The following DGKZ variants were observed in gnomAD, a reference collection of about 807,000 sequenced individuals.
The protein encoded by DGKZ is diacylglycerol kinase zeta, also known as DAG kinase zeta.
A neutral mutation model predicts 142.5 loss-of-function variants in DGKZ; 45 were observed. That is an observed-to-expected ratio of 0.32 (90% confidence interval 0.25 to 0.40). The LOEUF (loss-of-function observed/expected upper bound fraction) is 0.40. Among genes scored for constraint, DGKZ ranks in the 10% least tolerant of loss-of-function variants. The pLI, the probability that DGKZ is intolerant of heterozygous loss-of-function variation, is 1.00. For missense variants in DGKZ, 755 were observed against 1,306.5 expected, an observed-to-expected ratio of 0.58 and a Z score of 6.51; for synonymous variants, 442 against 527.0, an observed-to-expected ratio of 0.84 and a Z score of 2.21.
upstream of DGKZ, chr11:46,347,436 A>C: frequency 2.0e-6 from 2 of 981,968 alleles, no homozygotes; most frequent in Non-Finnish European, 2.4e-6. The surrounding 1 kb of genome is among the most constrained non-coding windows in gnomAD (Gnocchi z 6.4). Flanking sequence ...CCGGCCAGCT[A>C]TGCGGGGTCC....
chr11:46,348,582 C>T (rs1400870100), intron 1 of DGKZ, among the ~76,000 whole-genome samples: 1 of 152,150 alleles, frequency 6.6e-6, no homozygotes, highest in Non-Finnish European at 1.5e-5. Context: ...CTTCATCTTG[C>T]CCCCTCCCCC....
At chr11:46,349,432 G>T (rs1941090731) in intron 1 of DGKZ, among the ~76,000 whole-genome samples, 1 of 152,196 alleles carries the variant, frequency 6.6e-6, no homozygotes, top group East Asian at 1.9e-4. Flanking sequence ...CCCTTCTGAA[G>T]GGCACAGGTT....
intron 1 of DGKZ, among the ~76,000 whole-genome samples, chr11:46,339,557 C>T (rs1485424802): frequency 6.6e-6 from 1 of 152,308 alleles, no homozygotes; most frequent in South Asian, 2.1e-4. Flanking sequence ...GTGCAGGGAT[C>T]GGGATCCCAG....
In DGKZ at chr11:46,347,958, C is replaced by T; in HGVS notation, c.161+138C>T. 5.8e-6 allele frequency: 7 copies of T among 1,207,340 alleles called. No homozygotes were observed. Among genetic ancestry groups the T allele is most frequent in the Non-Finnish European group, 6.3e-6 (6 of 955,198 alleles). 74.8% of individuals were successfully genotyped at this position (1,207,340 alleles called of 1,614,324 possible). A position where few individuals can be genotyped will look rare whatever the true frequency, so the allele number is the denominator to read the frequency against. On this transcript the variant is annotated intron_variant, in intron 1 of 30. Coordinates refer to ENST00000527911, the Ensembl canonical transcript of DGKZ. The surrounding 1 kb of genome is among the most constrained non-coding windows in gnomAD (Gnocchi z 6.4). ...GTCGGGGAGAGGCTGGCACCGGCGGCACGAGCCGTCTTGGCGTGGGCACCC... is the reference window on the plus strand; with the variant it reads ...GTCGGGGAGAGGCTGGCACCGGCGGTACGAGCCGTCTTGGCGTGGGCACCC...
At chr11:46,351,118 ACTCT>A (rs150355005) in intron 1 of DGKZ, among the ~76,000 whole-genome samples, 2 of 150,476 alleles carry the variant, frequency 1.3e-5, no homozygotes, top group East Asian at 3.9e-4. Flanking sequence ...AGAGAAGTGG[ACTCT>A]CTCTCCTCCT....
chr11:46,357,850 T>G (rs1739329531), intron 1 of DGKZ, among the ~76,000 whole-genome samples: 1 of 152,142 alleles, frequency 6.6e-6, no homozygotes, highest in Non-Finnish European at 1.5e-5. Flanking sequence ...AGGCCAGTAT[T>G]CGGGGCAGAA....
At chr11:46,333,550 T>A (rs1469538204) in intron 1 of DGKZ, 2 of 1,439,540 alleles carry the variant, frequency 1.4e-6, no homozygotes, top group African/African-American at 1.4e-5. Context: ...CAGGCGTCAT[T>A]GCACAAACGT....
At chr11:46,333,559 G>A in intron 1 of DGKZ, 1 of 1,384,112 alleles carries the variant, frequency 7.2e-7, no homozygotes, top group Non-Finnish European at 9.8e-7. Context: ...TTGCACAAAC[G>A]TTTATTGTGC....
At chr11:46,342,436 A>G (rs984153899) in intron 1 of DGKZ, among the ~76,000 whole-genome samples, 6 of 152,204 alleles carry the variant, frequency 3.9e-5, no homozygotes. Context: ...CAGGGCTGCC[A>G]GACGCCTCAG....
rs201753262 is a variant in DGKZ, at chr11:46,372,685, C to T, written c.1071+8C>T. On this transcript the variant is annotated splice_region_variant and intron_variant, in intron 12 of 30. Transcript: ENST00000527911. The surrounding 1 kb of genome is among the most constrained non-coding windows in gnomAD (Gnocchi z 5.9). ...TGCGGGGGCGACGGCACGGTGAGCT[C>T]CCCGCATGGGCCAGCCGAGCACCAG... 5 of 1,613,072 alleles carry T rather than the reference C, an allele frequency of 3.1e-6. No individual in the cohort carries two copies. Among genetic ancestry groups the T allele is most frequent in the East Asian group, 2.2e-5 (1 of 44,872 alleles).
Position 46,348,684 on chromosome 11 carries a change from G to A in DGKZ, c.161+864G>A, listed in dbSNP as rs540299171. Reference sequence around the variant, plus strand: ...GGGGGAGAGTGTGGAAAGACTGAGTGCAGGCAGTTCATGGCAAGTGTGCTG... The same window carrying A: ...GGGGGAGAGTGTGGAAAGACTGAGTACAGGCAGTTCATGGCAAGTGTGCTG... On this transcript the variant is annotated intron_variant, in intron 1 of 30. Coordinates refer to ENST00000527911, the Ensembl canonical transcript of DGKZ. 2.0e-5 allele frequency among the ~76,000 whole-genome samples: 3 copies of A among 152,330 alleles called. No homozygotes were observed. The South Asian group carries it at 6.2e-4, about 32-fold the overall frequency.
exon 21 of DGKZ, chr11:46,375,935 G>A: frequency 6.2e-7 from 1 of 1,607,536 alleles, no homozygotes. Flanking sequence ...ACGACAAGGA[G>A]CAGCTCAAGG....
chr11:46,365,818 G>A (rs1281685868), intron 1 of DGKZ: 22 of 985,288 alleles, frequency 2.2e-5, no homozygotes, highest in Non-Finnish European at 2.7e-5. Flanking sequence ...GTCCATCCAG[G>A]CAGACCGACT....
chr11:46,361,640 C>T (rs780500902), intron 1 of DGKZ: 64 of 985,458 alleles, frequency 6.5e-5, no homozygotes, highest in Non-Finnish European at 7.5e-5. Context: ...GCCGCCAGCC[C>T]GGAGCTGGAT....
chr11:46,343,513 A>G (rs1312924082), upstream of DGKZ, among the ~76,000 whole-genome samples: 1 of 152,232 alleles, frequency 6.6e-6, no homozygotes, highest in African/African-American at 2.4e-5. Flanking sequence ...AGAACTAGTT[A>G]TAGAGCAGGG....
Position 46,367,494 on chromosome 11 carries a change from A to C in DGKZ, c.270+95A>C. ...GGCACTAAAGGCAGCTGGGAGAGCC[A>C]AGCCTGGAAGGGTTGGGACAGTGGG... is the stretch of plus-strand genomic sequence containing the variant. On this transcript the variant is annotated intron_variant, in intron 2 of 30. Transcript: ENST00000527911. The surrounding 1 kb of genome is among the most constrained non-coding windows in gnomAD (Gnocchi z 4.1). The C allele has an allele frequency of 7.0e-7, 1 of 1,425,638 alleles. No homozygotes were observed. The highest frequency in any genetic ancestry group is 1.4e-5 in the African/African-American group (1 of 70,690). 88.3% of individuals were successfully genotyped at this position (1,425,638 alleles called of 1,614,324 possible).
chr11:46,345,349 C>G (rs950481478), upstream of DGKZ: 98 of 1,391,314 alleles, frequency 7.0e-5, no homozygotes, highest in South Asian at 3.9e-4. This position sits in a 1 kb window ranked among gnomAD's most constrained non-coding sequence, Gnocchi z 4.1. Flanking sequence ...TCTAGCAGGC[C>G]CCCCCCTCGA....
In DGKZ at chr11:46,379,241, G is replaced by GT; in HGVS notation, c.2573+6dup. ...CCTTGATGCGGTGGAGGAAAAGTAA[G>GT]TATCTGGGCAGTGCAGAACCGTGGT... On this transcript the variant is annotated splice_donor_region_variant and intron_variant, in intron 29 of 30. Transcript: ENST00000527911. The GT allele has an allele frequency of 6.2e-7, 1 of 1,613,204 alleles. No homozygotes were observed. The highest frequency in any genetic ancestry group is 8.5e-7 in the Non-Finnish European group (1 of 1,179,942).
In DGKZ at chr11:46,368,907, C is replaced by T. The variant is rs974960439; in HGVS notation, c.445-587C>T. The T allele has an allele frequency of 2.9e-5, 5 of 172,988 alleles. No individual in the cohort carries two copies. In the South Asian group the frequency reaches 6.3e-4, roughly 22 times the overall value. 10.7% of individuals were successfully genotyped at this position (172,988 alleles called of 1,614,324 possible). On this transcript the variant is annotated intron_variant, in intron 4 of 30. Transcript: ENST00000527911. ...TGCCCGGGTCGGGAGTGCCAGAGGG[C>T]GAGGAAGAAAGGATGCGGCCGAGTG...
Sources: gnomAD v4.1 joint callset for allele counts (sites outside exome capture counted in the v4.1 genomes callset) on GRCh38, gnomAD v4.1.1 for gene constraint, Gnocchi (gnomAD v3.1) non-coding constraint, MANE v1.5 for transcripts, NCBI Gene and HGNC (gene_info 2026-07-23, HGNC 2026-07-21) for gene names.